Variants in MAGI2 observed in about 807,000 individuals in gnomAD.
MAGI2 encodes membrane-associated guanylate kinase, WW and PDZ domain-containing protein 2.
MAGI2 carries 35 observed loss-of-function variants against 133.3 expected under a neutral mutation model. The ratio of observed to expected loss-of-function variants is 0.26; its 90% CI spans 0.20 to 0.35. MAGI2 has a LOEUF of 0.35. MAGI2 is among the 10% of genes least tolerant of loss of function. The pLI is 1.00. For synonymous variants in MAGI2, 729 were observed against 710.6 expected, an observed-to-expected ratio of 1.03 and a Z score of -0.41; for missense variants, 1,636 against 1,863.4, an observed-to-expected ratio of 0.88 and a Z score of 2.25.
chr7:78,057,394 C>A (rs1812696225), intron 21 of MAGI2, among the ~76,000 whole-genome samples: 1 of 152,126 alleles, frequency 6.6e-6, no homozygotes, highest in African/African-American at 2.4e-5. Context: ...AGGTGCCCTC[C>A]ACCATGCCTG....
At chr7:78,956,129 A>C (rs1802359940) in intron 2 of MAGI2, among the ~76,000 whole-genome samples, 2 of 152,114 alleles carry the variant, frequency 1.3e-5, no homozygotes, top group Non-Finnish European at 2.9e-5. Context: ...CAAGAGGGGC[A>C]CCAACCTGCC....
chr7:78,230,779 A>C (rs867995191), intron 10 of MAGI2, among the ~76,000 whole-genome samples: 1 of 152,228 alleles, frequency 6.6e-6, no homozygotes, highest in Non-Finnish European at 1.5e-5. Flanking sequence ...AAACCCTGGA[A>C]GTGTGACTTC....
At chr7:78,979,622 C>G (rs1351118456) in intron 2 of MAGI2, among the ~76,000 whole-genome samples, 2 of 151,816 alleles carry the variant, frequency 1.3e-5, no homozygotes, top group African/African-American at 4.8e-5. Flanking sequence ...CTCCCACAGT[C>G]CCTGGTTGTT....
At chr7:79,030,883 T>C (rs1472100996) in intron 1 of MAGI2, among the ~76,000 whole-genome samples, 1 of 152,176 alleles carries the variant, frequency 6.6e-6, no homozygotes, top group African/African-American at 2.4e-5. Flanking sequence ...AATTCCATTG[T>C]TGGCACAAGT....
At chr7:79,438,350 A>G (rs1848283099) in intron 1 of MAGI2, among the ~76,000 whole-genome samples, 1 of 152,122 alleles carries the variant, frequency 6.6e-6, no homozygotes, top group Non-Finnish European at 1.5e-5. Flanking sequence ...AATTTTGTCA[A>G]CTCACCATCT....
At chr7:78,984,993 T>C (rs1805113833) in intron 2 of MAGI2, among the ~76,000 whole-genome samples, 2 of 148,494 alleles carry the variant, frequency 1.3e-5, no homozygotes, top group Non-Finnish European at 3.0e-5. Context: ...TCTTTCTTCT[T>C]TCCTTTTTTT....
chr7:78,806,347 A>C lies in MAGI2; in HGVS notation c.419-179108T>G, dbSNP rs149866737. ...CAAATGAAGTAGAATAATATATTTAAATTTCTTAGAGAAATGGCTGATATA... is the reference window on the plus strand; with the variant it reads ...CAAATGAAGTAGAATAATATATTTACATTTCTTAGAGAAATGGCTGATATA... On this transcript the variant is annotated intron_variant, in intron 2 of 21. Transcript: ENST00000354212. Among the ~76,000 whole-genome samples, 26 of 152,266 alleles carry C rather than the reference A, an allele frequency of 1.7e-4. No homozygotes were observed. In the East Asian group the frequency reaches 4.1e-3, roughly 24 times the overall value.
chr7:78,943,987 A>G (rs555953829), intron 2 of MAGI2, among the ~76,000 whole-genome samples: 1 of 152,324 alleles, frequency 6.6e-6, no homozygotes. Flanking sequence ...AGTTCCCAAG[A>G]GAAAGTTTCA....
intron 1 of MAGI2, among the ~76,000 whole-genome samples, chr7:79,330,951 C>A (rs1487480248): frequency 6.6e-6 from 1 of 152,098 alleles, no homozygotes; most frequent in African/African-American, 2.4e-5. Flanking sequence ...TCCTTCACGA[C>A]AATTTACTCT....
intron 14 of MAGI2, among the ~76,000 whole-genome samples, chr7:78,175,506 C>T (rs1271842126): frequency 2.6e-5 from 4 of 152,138 alleles, no homozygotes; most frequent in African/African-American, 9.7e-5. Flanking sequence ...TGCTGCCTCC[C>T]TGTAAGTGAT....
At chr7:79,190,786 C>T (rs1223862995) in intron 1 of MAGI2, among the ~76,000 whole-genome samples, 1 of 151,680 alleles carries the variant, frequency 6.6e-6, no homozygotes, top group Admixed American at 6.6e-5. Flanking sequence ...CATTAACATG[C>T]TATATTTTAG....
chr7:78,018,509 AG>A lies in MAGI2; in HGVS notation c.*805del. On this transcript the variant is annotated 3_prime_UTR_variant, in exon 22 of 22. Transcript: ENST00000354212. ...TTCAATTATAAAATTCATATTTTAG[AG>A]AAAAACCAATTAAGATCTATGAGCT... The A allele has an allele frequency of 6.6e-6, 1 of 152,388 alleles. No individual in the cohort carries two copies. Among genetic ancestry groups the A allele is most frequent in the South Asian group, 2.1e-4 (1 of 4,832 alleles). The allele number at this position is 152,388 out of a possible 1,614,324, so 9.4% of individuals were successfully genotyped here. A position where few individuals can be genotyped will look rare whatever the true frequency, so the allele number is the denominator to read the frequency against.
intron 1 of MAGI2, among the ~76,000 whole-genome samples, chr7:79,042,834 G>T (rs1268060592): frequency 6.6e-6 from 1 of 151,840 alleles, no homozygotes; most frequent in African/African-American, 2.4e-5. Context: ...CACATAATTG[G>T]CCATAAAACA....
In MAGI2 at chr7:78,521,502, T is replaced by C. The variant is rs771726695; in HGVS notation, c.682A>G (p.Ser228Gly). Residue 228 changes from serine (S) to glycine (G), a missense_variant, in exon 4 of 22, where the codon AGT becomes GGT. Coordinates refer to ENST00000354212, the MANE Select transcript of MAGI2 (RefSeq NM_012301.4). ...NKSVSNMEKA[S>G]IEPPEEEEEE... The stretch of plus-strand genomic sequence containing the variant: ...TCTTCCTCCTCAGGAGGCTCTATAC[T>C]GGCTTTCTCCATGTTGCTCACTGAT... The C allele has an allele frequency of 8.1e-6, 13 of 1,614,164 alleles. 1 individual carries two copies. In the South Asian group the frequency reaches 1.4e-4, roughly 18 times the overall value.
At chr7:78,897,938 T>G (rs969601163) in intron 2 of MAGI2, among the ~76,000 whole-genome samples, 2 of 152,192 alleles carry the variant, frequency 1.3e-5, no homozygotes, top group East Asian at 1.9e-4. Context: ...TTGCAAACTA[T>G]GCATGTGAGC....
chr7:78,274,419 G>T (rs1794862635), intron 9 of MAGI2, among the ~76,000 whole-genome samples: 1 of 152,140 alleles, frequency 6.6e-6, no homozygotes, highest in African/African-American at 2.4e-5. Context: ...CAGGGGTCAG[G>T]GACCCACTTG....
At chr7:79,022,398 G>A (rs1809422256) in intron 1 of MAGI2, among the ~76,000 whole-genome samples, 1 of 152,030 alleles carries the variant, frequency 6.6e-6, no homozygotes, top group African/African-American at 2.4e-5. Flanking sequence ...GGAGTTTATA[G>A]TGCTAAACAC....
intron 1 of MAGI2, among the ~76,000 whole-genome samples, chr7:79,206,605 A>G (rs1252394685): frequency 1.3e-5 from 2 of 151,946 alleles, no homozygotes; most frequent in African/African-American, 4.8e-5. Context: ...AAAGCCCAGG[A>G]CCTACAACCT....
chr7:78,144,087 G>A (rs930547395), intron 16 of MAGI2, among the ~76,000 whole-genome samples: 1 of 151,878 alleles, frequency 6.6e-6, no homozygotes, highest in African/African-American at 2.4e-5. Flanking sequence ...CCTATCTATA[G>A]ATTTCTTTCC....
Sources: allele counts gnomAD v4.1 joint callset (sites outside exome capture counted in the v4.1 genomes callset), GRCh38; gene constraint gnomAD v4.1.1; transcripts MANE v1.5; gene names NCBI Gene and HGNC (gene_info 2026-07-23, HGNC 2026-07-21).